Variants in AGMO observed in about 807,000 individuals in gnomAD.
The protein encoded by AGMO is alkylglycerol monooxygenase, also known as glyceryl-ether monooxygenase.
In AGMO, 75 loss-of-function variants were observed where a neutral mutation model predicts 60.2. The ratio of observed to expected loss-of-function variants is 1.25; its 90% CI spans 1.03 to 1.51. The LOEUF (loss-of-function observed/expected upper bound fraction) is 1.51, where lower values mean the gene tolerates loss of function less well. Ranked by LOEUF, AGMO falls within the 40% of genes most tolerant of loss-of-function variation. AGMO has a pLI of 0.00. For missense variants in AGMO, 763 were observed against 525.5 expected (o/e 1.45, Z -4.42); for synonymous variants, 261 against 177.1 (o/e 1.47, Z -3.76).
intron 12 of AGMO, among the ~76,000 whole-genome samples, chr7:15,337,387 C>T (rs1781695724): frequency 6.6e-6 from 1 of 152,004 alleles, no homozygotes; most frequent in Admixed American, 6.6e-5. Flanking sequence ...GGGAAGGGGA[C>T]AGGCAATGAG....
chr7:15,392,327 T>C (rs1784178059), intron 6 of AGMO, among the ~76,000 whole-genome samples: 1 of 132,568 alleles, frequency 7.5e-6, no homozygotes, highest in Non-Finnish European at 1.6e-5. Flanking sequence ...GCGATCCGCC[T>C]CCCAAAGTGT....
chr7:15,292,998 G>A (rs375758915), intron 12 of AGMO, among the ~76,000 whole-genome samples: 1 of 151,854 alleles, frequency 6.6e-6, no homozygotes, highest in East Asian at 1.9e-4. Flanking sequence ...CCTGACCTCA[G>A]GTGATCAGCC....
intron 6 of AGMO, 31 bp from the exon 7 acceptor site, chr7:15,390,936 C>G: frequency 1.4e-6 from 2 of 1,401,800 alleles, no homozygotes; most frequent in Non-Finnish European, 2.0e-6. Context: ...AATTTTTTTT[C>G]AGAAAAATAG....
Position 15,429,636 on chromosome 7 carries a change from A to G in AGMO, c.513+1369T>C, listed in dbSNP as rs184710146. Among the ~76,000 whole-genome samples the G allele has an allele frequency of 5.9e-5, 9 of 152,068 alleles. No homozygotes were observed. In the East Asian group the frequency reaches 1.5e-3, roughly 26 times the overall value. On this transcript the variant is annotated intron_variant, in intron 4 of 12. Transcript: ENST00000342526. ...AGAAAAAGAATACAAGCGTCATCAC[A>G]GGTGTATGGTGTGGGAGTTTGAGGG...
At chr7:15,387,905 T>TC (rs528272772) in intron 8 of AGMO, among the ~76,000 whole-genome samples, 5 of 9,738 alleles carry the variant, frequency 5.1e-4, no homozygotes, top group Middle Eastern at 0.05. Context: ...ACACATTCTC[T>TC]TTTTTTTTTT....
chr7:15,550,538 C>T lies in AGMO; in HGVS notation c.258-5615G>A, dbSNP rs201139899. Reference sequence around the variant, plus strand: ...CTACCATCAGAGAATACTACAAACACCTCTACACAAATAAACTAGAAAATC... The same window carrying T: ...CTACCATCAGAGAATACTACAAACATCTCTACACAAATAAACTAGAAAATC... On this transcript the variant is annotated intron_variant, in intron 2 of 12. Coordinates refer to ENST00000342526, the MANE Select transcript of AGMO (RefSeq NM_001004320.2). Among the ~76,000 whole-genome samples the T allele has an allele frequency of 4.8e-4, 73 of 152,124 alleles. No homozygotes were observed. In the East Asian group the frequency reaches 0.014, roughly 29 times the overall value.
At chr7:15,557,078 G>A (rs957948999) in intron 2 of AGMO, among the ~76,000 whole-genome samples, 2 of 151,920 alleles carry the variant, frequency 1.3e-5, no homozygotes, top group South Asian at 4.1e-4. Context: ...TATCAACATG[G>A]TAGGCACGCT....
chr7:15,189,603 T>G, the AGMO span, among the ~76,000 whole-genome samples: 1 of 152,220 alleles, frequency 6.6e-6, no homozygotes, highest in Non-Finnish European at 1.5e-5. Flanking sequence ...CAGCATCTTC[T>G]TTCCTATCAG....
At chr7:15,180,715 C>G in the AGMO span, among the ~76,000 whole-genome samples, 6 of 152,194 alleles carry the variant, frequency 3.9e-5, no homozygotes, top group African/African-American at 7.2e-5. Context: ...AAAGCTGTTT[C>G]CACATTTGCA....
At chr7:15,309,184 G>C (rs1365099017) in intron 12 of AGMO, among the ~76,000 whole-genome samples, 1 of 152,090 alleles carries the variant, frequency 6.6e-6, no homozygotes, top group African/African-American at 2.4e-5. Context: ...TCCTTTGGGG[G>C]AACATCTTAA....
chr7:15,377,565 C>T (rs1187159923), intron 10 of AGMO, among the ~76,000 whole-genome samples: 1 of 151,968 alleles, frequency 6.6e-6, no homozygotes, highest in Non-Finnish European at 1.5e-5. Flanking sequence ...ATGAGTAAGT[C>T]TCCATCTTTT....
chr7:15,529,349 G>A (rs1784214236), intron 3 of AGMO, among the ~76,000 whole-genome samples: 1 of 150,108 alleles, frequency 6.7e-6, no homozygotes, highest in Non-Finnish European at 1.5e-5. Flanking sequence ...CTGGCATGTT[G>A]CTTGTTTCAT....
chr7:15,505,964 G>C (rs1475651890), intron 3 of AGMO, among the ~76,000 whole-genome samples: 1 of 151,986 alleles, frequency 6.6e-6, no homozygotes, highest in East Asian at 1.9e-4. Context: ...TTGGCAATTT[G>C]CCAAAGTTTA....
intron 3 of AGMO, among the ~76,000 whole-genome samples, chr7:15,517,757 G>A (rs540398358): frequency 8.6e-5 from 13 of 151,982 alleles, no homozygotes; most frequent in Non-Finnish European, 1.9e-4. Flanking sequence ...CAGACACCGA[G>A]CTAGCTGCAG....
intron 3 of AGMO, among the ~76,000 whole-genome samples, chr7:15,541,082 A>G (rs1784615822): frequency 6.6e-6 from 1 of 152,138 alleles, no homozygotes; most frequent in Non-Finnish European, 1.5e-5. Context: ...TACAAAGAAA[A>G]ATAATATGCC....
chr7:15,527,015 TTCTC>T (rs143530610), intron 3 of AGMO, among the ~76,000 whole-genome samples: 3 of 152,156 alleles, frequency 2.0e-5, no homozygotes, highest in African/African-American at 7.2e-5. Flanking sequence ...TCCCCTGTCT[TTCTC>T]TCTCTCATTG....
chr7:15,175,943 C>A, the AGMO span, among the ~76,000 whole-genome samples: 1 of 151,852 alleles, frequency 6.6e-6, no homozygotes, highest in African/African-American at 2.4e-5. Context: ...ATGTTATATA[C>A]ATCACCGAGC....
chr7:15,448,156 T>C (rs1479763772), intron 3 of AGMO, among the ~76,000 whole-genome samples: 1 of 152,154 alleles, frequency 6.6e-6, no homozygotes, highest in Non-Finnish European at 1.5e-5. Flanking sequence ...GGGCTGAATG[T>C]TTGTGTCCCT....
chr7:15,393,469 TCTA>T (rs893440552), intron 6 of AGMO, among the ~76,000 whole-genome samples: 5 of 152,238 alleles, frequency 3.3e-5, no homozygotes, highest in African/African-American at 7.2e-5. Context: ...ATTTATCTAT[TCTA>T]CTGCTGAAAA....
Sources: gnomAD v4.1 joint callset for allele counts (sites outside exome capture counted in the v4.1 genomes callset) on GRCh38, gnomAD v4.1.1 for gene constraint, MANE v1.5 for transcripts, NCBI Gene and HGNC (gene_info 2026-07-23, HGNC 2026-07-21) for gene names.